Variants in DDX50 observed in about 807,000 individuals in gnomAD.
DDX50 encodes DExD-box helicase 50, also known as ATP-dependent RNA helicase DDX50.
DDX50 carries 56 observed loss-of-function variants against 94.8 expected under a neutral mutation model. The observed-to-expected ratio is 0.59, with a 90% CI of 0.48 to 0.74. DDX50 has a LOEUF of 0.74. Among genes scored for constraint, DDX50 ranks in the 30% least tolerant of loss-of-function variants. The pLI is 0.00. For missense variants in DDX50, 713 were observed against 881.2 expected (o/e 0.81, Z 2.42); for synonymous variants, 264 against 295.4 (o/e 0.89, Z 1.09).
At chr10:68,925,874 TGTG>T (rs1329476793) in intron 8 of DDX50, among the ~76,000 whole-genome samples, 2 of 151,328 alleles carry the variant, frequency 1.3e-5, no homozygotes, top group African/African-American at 2.4e-5. Context: ...ATTAGCCAGG[TGTG>T]GTGATGCACA....
chr10:68,905,897 A>G (rs1841431886), intron 1 of DDX50, among the ~76,000 whole-genome samples: 1 of 152,226 alleles, frequency 6.6e-6, no homozygotes, highest in East Asian at 1.9e-4. Flanking sequence ...TGGGTGACAG[A>G]GCAAAACTCT....
intron 8 of DDX50, among the ~76,000 whole-genome samples, chr10:68,920,315 C>T (rs1378079043): frequency 6.6e-6 from 1 of 152,004 alleles, no homozygotes; most frequent in Non-Finnish European, 1.5e-5. Context: ...GTGCGTGCCA[C>T]AATGCCCAGC....
intron 12 of DDX50, among the ~76,000 whole-genome samples, chr10:68,939,230 A>G (rs971650690): frequency 3.9e-5 from 6 of 152,200 alleles, no homozygotes; most frequent in Non-Finnish European, 5.9e-5. Context: ...GTGATACTTT[A>G]GCATTGAGCA....
intron 7 of DDX50, among the ~76,000 whole-genome samples, chr10:68,918,749 C>T (rs747072896): frequency 6.6e-6 from 1 of 152,074 alleles, no homozygotes; most frequent in African/African-American, 2.4e-5. Context: ...TTTCTTTATC[C>T]GCTGTCAACC....
Position 68,946,480 on chromosome 10 carries a change from C to T in DDX50, c.2064C>T (p.Gly688=). Residue 688 remains glycine, a synonymous_variant, in exon 15 of 15, where the codon GGC becomes GGT. Transcript: ENST00000373585. ...GTGGCTGGTCAAGTGGTCGATCAGG[C>T]CGGTCAGGCCGGTCAGGTGGTCGAT... ...QRSGWSSGRS[G]RSGRSGGRSG... The T allele has an allele frequency of 2.5e-6, 4 of 1,613,850 alleles. No individual in the cohort carries two copies. Among genetic ancestry groups the T allele is most frequent in the Non-Finnish European group, 3.4e-6 (4 of 1,179,922 alleles).
At chr10:68,910,655 G>A (rs1044333533) in intron 3 of DDX50, among the ~76,000 whole-genome samples, 1 of 152,110 alleles carries the variant, frequency 6.6e-6, no homozygotes, top group Non-Finnish European at 1.5e-5. Flanking sequence ...TTCCAGTTGG[G>A]TTACCAAAGT....
Position 68,934,209 on chromosome 10 carries a change from G to T in DDX50, c.1250G>T (p.Cys417Phe). ...CCCTTTCTCAAATAGAATGCCCAGT[G>T]TTTACATGGGGACATTGCACAGTCA... ...MNPHIKQNAQ[C>F]LHGDIAQSQR... Residue 417 changes from cysteine (C) to phenylalanine (F), a missense_variant, in exon 9 of 15, where the codon TGT becomes TTT. Physicochemically the swap from Cys to Phe is radical, Grantham distance 205. Coordinates refer to ENST00000373585, the MANE Select transcript of DDX50 (RefSeq NM_024045.2). This position sits in a 1 kb window ranked among gnomAD's most constrained non-coding sequence, Gnocchi z 4.0. 1 of 1,611,196 alleles carries T rather than the reference G, an allele frequency of 6.2e-7. No individual in the cohort carries two copies. Among genetic ancestry groups the T allele is most frequent in the Non-Finnish European group, 8.5e-7 (1 of 1,179,584 alleles).
At chr10:68,929,894 G>A (rs1842206802) in intron 8 of DDX50, among the ~76,000 whole-genome samples, 2 of 151,368 alleles carry the variant, frequency 1.3e-5, no homozygotes, top group South Asian at 2.1e-4. Flanking sequence ...CACCATACCC[G>A]GCTAATTTTT....
chr10:68,930,296 T>G (rs1842227254), intron 8 of DDX50, among the ~76,000 whole-genome samples: 1 of 151,846 alleles, frequency 6.6e-6, no homozygotes, highest in African/African-American at 2.4e-5. Flanking sequence ...TTTTGTATTT[T>G]TAGTAGAGAC....
At chr10:68,903,439 G>A (rs541593163) in intron 1 of DDX50, among the ~76,000 whole-genome samples, 6 of 151,284 alleles carry the variant, frequency 4.0e-5, no homozygotes, top group African/African-American at 1.2e-4. Flanking sequence ...AGGCTGAGGC[G>A]GGTGGATCGT....
chr10:68,938,579 G>GA (rs199734695), intron 12 of DDX50, among the ~76,000 whole-genome samples: 1 of 152,230 alleles, frequency 6.6e-6, no homozygotes, highest in East Asian at 1.9e-4. Flanking sequence ...ACATCCCTGT[G>GA]ATGGGGAGGA....
At chr10:68,908,763 T>A (rs1307370204) in intron 2 of DDX50, among the ~76,000 whole-genome samples, 1 of 149,038 alleles carries the variant, frequency 6.7e-6, no homozygotes, top group Non-Finnish European at 1.5e-5. Context: ...CACCTCAGCC[T>A]CCTGAGTAGC....
intron 1 of DDX50, among the ~76,000 whole-genome samples, chr10:68,904,493 C>G (rs919240234): frequency 1.3e-5 from 2 of 152,118 alleles, no homozygotes; most frequent in Non-Finnish European, 2.9e-5. Flanking sequence ...AGAACAGATA[C>G]TCAAGGAGCA....
chr10:68,903,240 T>TA (rs1239324135), intron 1 of DDX50, among the ~76,000 whole-genome samples: 3 of 151,894 alleles, frequency 2.0e-5, no homozygotes, highest in Admixed American at 6.5e-5. Flanking sequence ...CTACAAAAAA[T>TA]AAAAAAATTA....
chr10:68,925,572 A>AT (rs1373863375), intron 8 of DDX50, among the ~76,000 whole-genome samples: 2 of 152,090 alleles, frequency 1.3e-5, no homozygotes, highest in Non-Finnish European at 2.9e-5. Context: ...ATTGTGTAGC[A>AT]TTAGCTTTGA....
intron 7 of DDX50, among the ~76,000 whole-genome samples, chr10:68,914,976 G>A (rs1841740130): frequency 6.7e-6 from 1 of 148,746 alleles, no homozygotes; most frequent in Non-Finnish European, 1.5e-5. Context: ...AGCTGAGATT[G>A]CGCCACCGTA....
intron 4 of DDX50, among the ~76,000 whole-genome samples, chr10:68,912,837 A>G (rs1841671279): frequency 6.6e-6 from 1 of 152,178 alleles, no homozygotes; most frequent in African/African-American, 2.4e-5. Flanking sequence ...TGGAGCTTAC[A>G]TTTTATTGGG....
intron 8 of DDX50, among the ~76,000 whole-genome samples, chr10:68,932,730 G>A (rs1305171703): frequency 2.6e-5 from 4 of 152,114 alleles, no homozygotes; most frequent in African/African-American, 9.7e-5. Context: ...TAGGTTCAGT[G>A]TCACTAAAAA....
chr10:68,936,564 C>T (rs1453711514), intron 11 of DDX50, among the ~76,000 whole-genome samples: 1 of 123,052 alleles, frequency 8.1e-6, no homozygotes, highest in Non-Finnish European at 1.7e-5. Context: ...TGTGGCTGGG[C>T]ACTGTGGTGC....
Sources: gnomAD v4.1 joint callset for allele counts (sites outside exome capture counted in the v4.1 genomes callset) on GRCh38, gnomAD v4.1.1 for gene constraint, Gnocchi (gnomAD v3.1) non-coding constraint, MANE v1.5 for transcripts, NCBI Gene and HGNC (gene_info 2026-07-23, HGNC 2026-07-21) for gene names.